Variants in F10 observed in about 807,000 individuals in gnomAD.
F10 encodes coagulation factor X.
In F10, 29 loss-of-function variants were observed where a neutral mutation model predicts 37.1. That is an observed-to-expected ratio of 0.78 (90% CI 0.58 to 1.07). The LOEUF is 1.07. Among genes scored for constraint, F10 ranks in the 50% least tolerant of loss-of-function variants. The probability of loss-of-function intolerance (pLI) is 0.00; values close to 1 mark genes in which losing one functional copy is unlikely to be tolerated. For missense variants in F10, 539 were observed against 667.9 expected, an observed-to-expected ratio of 0.81 and a Z score of 2.13; for synonymous variants, 262 against 268.6, an observed-to-expected ratio of 0.98 and a Z score of 0.24.
At chr13:113,148,345 A>AATAT (rs1555396300) in intron 7 of F10, among the ~76,000 whole-genome samples, 48 of 95,408 alleles carry the variant, frequency 5.0e-4, no homozygotes, top group African/African-American at 9.5e-4. Flanking sequence ...AAAAAAAAAA[A>AATAT]ATATATATAT....
In F10 at chr13:113,144,596, C is replaced by T. The variant is rs192995818; in HGVS notation, c.747+501C>T. Among the ~76,000 whole-genome samples, 146 of 152,336 alleles carry T rather than the reference C, an allele frequency of 9.6e-4. No homozygotes were observed. The highest frequency in any genetic ancestry group is 3.1e-3 in the East Asian group (16 of 5,182). ...GGGAGGCAGAAAGAGTTGGTGTCCT[C>T]GCTTCATTTCTAATTTTGGAATTTT... is the stretch of plus-strand genomic sequence containing the variant. On this transcript the variant is annotated intron_variant, in intron 6 of 7. Coordinates refer to ENST00000375559, the MANE Select transcript of F10 (RefSeq NM_000504.4). The surrounding 1 kb of genome is among the most constrained non-coding windows in gnomAD (Gnocchi z 6.4).
At chr13:113,138,628 A>G (rs2036500308) in intron 3 of F10, 147 bp downstream of exon 3, 1 of 589,932 alleles carries the variant, frequency 1.7e-6, no homozygotes, top group African/African-American at 1.9e-5. Flanking sequence ...CATAATAGTT[A>G]TTGTAAAAGA....
intron 1 of F10, among the ~76,000 whole-genome samples, chr13:113,124,371 G>A (rs764186884): frequency 3.9e-5 from 6 of 152,350 alleles, no homozygotes; most frequent in African/African-American, 9.6e-5. Flanking sequence ...CGCCCACCTC[G>A]CGGACCTCTG....
At position 113,140,150 on chromosome 13, in the gene F10, C is replaced by T. The variant is rs955253533; in HGVS notation, c.370+680C>T. ...GTGCAGTGGCACGATCTCAGCTCAC[C>T]GCAAGCTCCGCCTGCCAGGTTCACG... On this transcript the variant is annotated intron_variant, in intron 4 of 7. Coordinates refer to ENST00000375559, the MANE Select transcript of F10 (RefSeq NM_000504.4). 2.7e-5 allele frequency among the ~76,000 whole-genome samples: 4 copies of T among 149,930 alleles called. No homozygotes were observed. In the East Asian group the frequency reaches 6.0e-4, roughly 23 times the overall value.
rs953262680 is a variant in F10 at position 113,146,434 on chromosome 13, G to A, written c.748-945G>A. Among the ~76,000 whole-genome samples, 2 of 152,272 alleles carry A rather than the reference G, an allele frequency of 1.3e-5. No individual in the cohort carries two copies. The highest frequency in any genetic ancestry group is 6.5e-5 in the Admixed American group (1 of 15,306). ...GAGGGGTTCCTGGGCTGGGGGACCAGGGTGGGGCGCCCTGGAGGGCTCACT... is the reference window on the plus strand; with the variant it reads ...GAGGGGTTCCTGGGCTGGGGGACCAAGGTGGGGCGCCCTGGAGGGCTCACT... On this transcript the variant is annotated intron_variant, in intron 6 of 7. Transcript: ENST00000375559. The surrounding 1 kb of genome is among the most constrained non-coding windows in gnomAD (Gnocchi z 4.5).
chr13:113,132,498 C>T (rs2036443620), intron 2 of F10, among the ~76,000 whole-genome samples: 1 of 152,172 alleles, frequency 6.6e-6, no homozygotes, highest in Non-Finnish European at 1.5e-5. Flanking sequence ...GTGGCTTCTC[C>T]AGAGAGAGAC....
intron 2 of F10, chr13:113,130,200 C>T: frequency 5.9e-6 from 1 of 169,342 alleles, no homozygotes; most frequent in Non-Finnish European, 1.3e-5. Flanking sequence ...CAGCACGGTG[C>T]CTGCGCAGCA....
In F10 at chr13:113,143,594, G is replaced by A. The variant is rs952006846; in HGVS notation, c.503-257G>A. On this transcript the variant is annotated intron_variant, in intron 5 of 7. Transcript: ENST00000375559. This position sits in a 1 kb window ranked among gnomAD's most constrained non-coding sequence, Gnocchi z 6.8. The stretch of plus-strand genomic sequence containing the variant: ...AACCGCAGACGCCAACACTCCCCTC[G>A]CTGCCTGGGTTGCTGCCTGGCGTCC... Among the ~76,000 whole-genome samples the A allele has an allele frequency of 1.3e-5, 2 of 152,106 alleles. No individual in the cohort carries two copies. The highest frequency in any genetic ancestry group is 2.4e-5 in the African/African-American group (1 of 41,416).
intron 2 of F10, among the ~76,000 whole-genome samples, chr13:113,135,057 A>G (rs1427969042): frequency 1.3e-4 from 20 of 152,074 alleles, no homozygotes; most frequent in Admixed American, 8.5e-4. Context: ...CCTGGCCAAC[A>G]TGGTGAAACC....
At chr13:113,135,517 C>T (rs182858625) in intron 2 of F10, among the ~76,000 whole-genome samples, 53 of 152,318 alleles carry the variant, frequency 3.5e-4, no homozygotes, top group Admixed American at 3.1e-3. Context: ...AAGGGACAAA[C>T]ACTGTGTGAA....
Position 113,143,150 on chromosome 13 carries a change from G to A in F10, c.503-701G>A, listed in dbSNP as rs921376949. 4.6e-5 allele frequency among the ~76,000 whole-genome samples: 7 copies of A among 150,742 alleles called. No homozygotes were observed. Among genetic ancestry groups the A allele is most frequent in the Admixed American group, 1.3e-4 (2 of 15,090 alleles). On this transcript the variant is annotated intron_variant, in intron 5 of 7. Transcript: ENST00000375559. This position sits in a 1 kb window ranked among gnomAD's most constrained non-coding sequence, Gnocchi z 6.8. ...ACGTGTGGCCACAGAGAAGCCCCTT[G>A]CCATCCATTCCCCCCTCCTCTCCTC...
chr13:113,142,804 C>T (rs149787423), intron 5 of F10, among the ~76,000 whole-genome samples: 2,272 of 151,766 alleles, frequency 0.015, 58 homozygotes, highest in African/African-American at 0.052. Flanking sequence ...TGGTGGCGCA[C>T]GCCTGTAATC....
At position 113,144,164 on chromosome 13, in the gene F10, C is replaced by G. The variant is rs2036559660; in HGVS notation, c.747+69C>G. The G allele has an allele frequency of 6.2e-7, 1 of 1,604,490 alleles. No individual in the cohort carries two copies. ...GTCCCGCTGTGCACCTCGGGGAGGC[C>G]AGCCTGACACTTGGAATAGCAATCC... On this transcript the variant is annotated intron_variant, in intron 6 of 7. Transcript: ENST00000375559. The surrounding 1 kb of genome is among the most constrained non-coding windows in gnomAD (Gnocchi z 6.4).
At chr13:113,138,348 C>T in intron 2 of F10, 109 bp from the exon 3 acceptor site, 1 of 604,878 alleles carries the variant, frequency 1.7e-6, no homozygotes, top group Non-Finnish European at 3.0e-6. Context: ...AAGTGACTTC[C>T]ATTGGGGAAA....
chr13:113,145,303 G>C (rs979515354), intron 6 of F10, among the ~76,000 whole-genome samples: 3 of 152,202 alleles, frequency 2.0e-5, no homozygotes, highest in Admixed American at 2.0e-4. Context: ...TGGAGTTACA[G>C]GTGTGAGCCA....
chr13:113,128,906 A>G (rs2036397186), intron 1 of F10: 1 of 153,568 alleles, frequency 6.5e-6, no homozygotes, highest in African/African-American at 2.4e-5. Context: ...AAAAAAAAAA[A>G]AAAAAGGTGC....
intron 1 of F10, among the ~76,000 whole-genome samples, chr13:113,125,130 CATGA>C (rs2142247306): frequency 6.6e-6 from 1 of 152,356 alleles, no homozygotes; most frequent in African/African-American, 2.4e-5. Context: ...CTGGGAAAGA[CATGA>C]ATTTGGAGGG....
In F10 at chr13:113,139,879, GTGTCAATATT is replaced by G. The variant is rs1473187035; in HGVS notation, c.370+413_370+422del. Among the ~76,000 whole-genome samples, 1 of 152,058 alleles carries G rather than the reference GTGTCAATATT, an allele frequency of 6.6e-6. No individual in the cohort carries two copies. The highest frequency in any genetic ancestry group is 2.4e-5 in the African/African-American group (1 of 41,398). On this transcript the variant is annotated intron_variant, in intron 4 of 7. Transcript: ENST00000375559. The surrounding 1 kb of genome is among the most constrained non-coding windows in gnomAD (Gnocchi z 5.2). ...CTCTTATTTATGTGTATGGATGCAG[GTGTCAATATT>G]TGTGAATATTTGTGATTGGCCAATT...
chr13:113,129,389 A>AGCCTG (rs2036403336), intron 1 of F10, 63 bp from the exon 2 acceptor site: 35 of 1,256,160 alleles, frequency 2.8e-5, no homozygotes, highest in South Asian at 1.9e-4. Context: ...CAGGGAGCAT[A>AGCCTG]GGTGAGGGGG....
Sources: allele counts gnomAD v4.1 joint callset (sites outside exome capture counted in the v4.1 genomes callset), GRCh38; gene constraint gnomAD v4.1.1; non-coding constraint Gnocchi (gnomAD v3.1); transcripts MANE v1.5; gene names NCBI Gene and HGNC (gene_info 2026-07-23, HGNC 2026-07-21).